DAB1: variants seen among roughly 807,000 people sequenced by gnomAD.
DAB1 encodes the protein disabled homolog 1.
Under a neutral mutation model 64.6 loss-of-function variants are expected in DAB1, and 15 were observed. The ratio of observed to expected loss-of-function variants is 0.23; its 90% CI spans 0.16 to 0.36. The LOEUF is 0.36. Ranked by LOEUF, DAB1 falls within the 10% of genes least tolerant of loss-of-function variation. DAB1 has a pLI of 1.00. For missense variants in DAB1, 596 were observed against 706.7 expected, an observed-to-expected ratio of 0.84 and a Z score of 1.78; for synonymous variants, 235 against 251.9, an observed-to-expected ratio of 0.93 and a Z score of 0.64.
At chr1:58,398,630 ACT>A (rs1283402614) in intron 3 of DAB1, among the ~76,000 whole-genome samples, 1 of 151,730 alleles carries the variant, frequency 6.6e-6, no homozygotes, top group African/African-American at 2.4e-5. Context: ...CCTTCCAACC[ACT>A]CTCTGTGGTA....
At chr1:58,136,457 C>T (rs950405895) in intron 5 of DAB1, among the ~76,000 whole-genome samples, 1 of 152,142 alleles carries the variant, frequency 6.6e-6, no homozygotes, top group Non-Finnish European at 1.5e-5. Context: ...ATACTGAAGG[C>T]TGCATTAATT....
chr1:58,236,418 G>A (rs1660045342), intron 4 of DAB1, among the ~76,000 whole-genome samples: 1 of 151,986 alleles, frequency 6.6e-6, no homozygotes, highest in Admixed American at 6.5e-5. Flanking sequence ...TCGGAAAGAC[G>A]CATGGGGGAC....
chr1:58,218,518 G>C (rs923847433), intron 4 of DAB1, among the ~76,000 whole-genome samples: 2 of 152,134 alleles, frequency 1.3e-5, no homozygotes, highest in Admixed American at 1.3e-4. Flanking sequence ...ATGTGTATGT[G>C]CAGGAGAGTG....
At chr1:57,020,989 T>C (rs1646598649) in intron 11 of DAB1, among the ~76,000 whole-genome samples, 2 of 152,144 alleles carry the variant, frequency 1.3e-5, no homozygotes, top group Non-Finnish European at 2.9e-5. Context: ...TGTCTCCTTA[T>C]CACTGGCTGG....
intron 1 of DAB1, among the ~76,000 whole-genome samples, chr1:57,297,317 G>T (rs928505496): frequency 2.0e-5 from 3 of 151,952 alleles, no homozygotes; most frequent in African/African-American, 7.3e-5. Context: ...GAATATGAAT[G>T]GTAAGTTAGG....
At chr1:57,038,773 T>A (rs1258200793) in intron 9 of DAB1, among the ~76,000 whole-genome samples, 2 of 152,216 alleles carry the variant, frequency 1.3e-5, no homozygotes, top group East Asian at 3.8e-4. Context: ...ATCCAGATTC[T>A]TACAAATTAA....
At chr1:58,256,438 AAGG>A (rs1333579033) in intron 4 of DAB1, among the ~76,000 whole-genome samples, 1 of 152,212 alleles carries the variant, frequency 6.6e-6, no homozygotes, top group Non-Finnish European at 1.5e-5. Flanking sequence ...CTAAGAAAAG[AAGG>A]AGAAGAGATA....
chr1:57,636,021 T>C (rs1646049310), intron 7 of DAB1, among the ~76,000 whole-genome samples: 2 of 137,380 alleles, frequency 1.5e-5, no homozygotes, highest in Admixed American at 8.6e-5. Flanking sequence ...GGCGTGAACC[T>C]GGGAGGTGGA....
intron 4 of DAB1, among the ~76,000 whole-genome samples, chr1:58,285,168 G>A (rs140646812): frequency 2.0e-5 from 3 of 152,268 alleles, no homozygotes; most frequent in Non-Finnish European, 4.4e-5. Context: ...AATAGTAAGA[G>A]CCATTTATGA....
intron 1 of DAB1, among the ~76,000 whole-genome samples, chr1:57,406,090 A>C (rs919825406): frequency 6.6e-6 from 1 of 152,212 alleles, no homozygotes; most frequent in Non-Finnish European, 1.5e-5. Flanking sequence ...GTGATGGCAC[A>C]TGCCTCCAAC....
In DAB1 at chr1:57,867,224, G is replaced by A. The variant is rs1033476145; in HGVS notation, n.87+16775C>T. ...CATTGCCAGTAATGGACTTCACCCC[G>A]GAAAACTCCAACTCGTGGTGCCAAT... On this transcript the variant is annotated intron_variant and non_coding_transcript_variant, in intron 1 of 1. Transcript: ENST00000477280. 2.0e-5 allele frequency: 3 copies of A among 152,078 alleles called. No homozygotes were observed. The South Asian group carries it at 6.2e-4, about 32-fold the overall frequency. 9.4% of individuals were successfully genotyped at this position (152,078 alleles called of 1,614,324 possible).
intron 5 of DAB1, among the ~76,000 whole-genome samples, chr1:57,904,043 A>G (rs1644514439): frequency 1.3e-5 from 2 of 152,172 alleles, no homozygotes; most frequent in South Asian, 2.1e-4. Flanking sequence ...TGCTCTGGCA[A>G]TTATGGTTAT....
rs902925 is a variant in DAB1, at chr1:58,539,307, C to G, written n.32+7396G>C. 1 of 811,620 alleles carries G rather than the reference C, an allele frequency of 1.2e-6. No homozygotes were observed. The highest frequency in any genetic ancestry group is 1.5e-5 in the South Asian group (1 of 66,326). 50.3% of individuals were successfully genotyped at this position (811,620 alleles called of 1,614,324 possible). A position where few individuals can be genotyped will look rare whatever the true frequency, so the allele number is the denominator to read the frequency against. On this transcript the variant is annotated intron_variant and non_coding_transcript_variant, in intron 1 of 20. Transcript: ENST00000485760. Reference sequence around the variant, plus strand: ...AGATGAAGCTCATTTTTTCACTTGACTACCTGAAACAAAAAAAAAACTATA... The same window carrying G: ...AGATGAAGCTCATTTTTTCACTTGAGTACCTGAAACAAAAAAAAAACTATA...
intron 3 of DAB1, among the ~76,000 whole-genome samples, chr1:58,457,998 G>A (rs924812723): frequency 6.6e-6 from 1 of 152,172 alleles, no homozygotes; most frequent in Non-Finnish European, 1.5e-5. Flanking sequence ...TTAGTTACAA[G>A]TAACTCATTT....
chr1:57,315,220 CT>C (rs1370440595), intron 1 of DAB1, among the ~76,000 whole-genome samples: 4 of 152,156 alleles, frequency 2.6e-5, no homozygotes, highest in African/African-American at 7.2e-5. Flanking sequence ...AAATTGCCTC[CT>C]TGTGTCCTCA....
At chr1:58,454,420 G>A (rs777968734) in intron 3 of DAB1, among the ~76,000 whole-genome samples, 1 of 152,136 alleles carries the variant, frequency 6.6e-6, no homozygotes, top group East Asian at 1.9e-4. Flanking sequence ...GAGGTCAGGA[G>A]GCCTCCTAGA....
intron 1 of DAB1, among the ~76,000 whole-genome samples, chr1:57,319,893 A>T (rs1270656689): frequency 2.6e-5 from 4 of 152,126 alleles, no homozygotes; most frequent in Admixed American, 2.6e-4. Context: ...TTTTCCATGA[A>T]GTTCTATGAA....
chr1:57,793,426 T>C (rs1164076157), intron 6 of DAB1, among the ~76,000 whole-genome samples: 1 of 152,164 alleles, frequency 6.6e-6, no homozygotes, highest in Non-Finnish European at 1.5e-5. Context: ...TGCATGGAAG[T>C]ACCTAGAAAG....
intron 1 of DAB1, among the ~76,000 whole-genome samples, chr1:57,309,318 T>G (rs558567341): frequency 7.2e-5 from 11 of 152,338 alleles, no homozygotes; most frequent in African/African-American, 2.6e-4. Flanking sequence ...GAGCCCATCG[T>G]TCATAACATC....
Sources: gnomAD v4.1 joint callset for allele counts (sites outside exome capture counted in the v4.1 genomes callset) on GRCh38, gnomAD v4.1.1 for gene constraint, MANE v1.5 for transcripts, NCBI Gene and HGNC (gene_info 2026-07-23, HGNC 2026-07-21) for gene names.